Variants in TCF12 observed in about 807,000 individuals in gnomAD.
TCF12 encodes DNA-binding protein HTF4.
TCF12 carries 45 observed loss-of-function variants against 86.0 expected under a neutral mutation model. The observed-to-expected ratio is 0.52, with a 90% CI of 0.41 to 0.67. TCF12 has a LOEUF of 0.67. TCF12 is among the 30% of genes least tolerant of loss of function. TCF12 has a pLI of 0.00. For missense variants in TCF12, 881 were observed against 859.9 expected, an observed-to-expected ratio of 1.02 and a Z score of -0.31; for synonymous variants, 330 against 299.6, an observed-to-expected ratio of 1.10 and a Z score of -1.05.
chr15:57,227,709 T>G (rs2151904098), intron 8 of TCF12, among the ~76,000 whole-genome samples: 1 of 152,194 alleles, frequency 6.6e-6, no homozygotes, highest in African/African-American at 2.4e-5. Context: ...AAAATTTTTC[T>G]TAACACCATT....
intron 3 of TCF12, among the ~76,000 whole-genome samples, chr15:56,962,394 C>CT (rs1363597259): frequency 6.6e-6 from 1 of 151,982 alleles, no homozygotes; most frequent in African/African-American, 2.4e-5. Context: ...TCTACTATAA[C>CT]TTTTTTTTGT....
At chr15:57,012,452 C>T (rs536964200) in intron 3 of TCF12, among the ~76,000 whole-genome samples, 12 of 152,218 alleles carry the variant, frequency 7.9e-5, no homozygotes, top group Admixed American at 7.2e-4. Flanking sequence ...TAAGTAGAAA[C>T]TATTATTCTA....
intron 18 of TCF12, among the ~76,000 whole-genome samples, chr15:57,270,386 G>A (rs1374953050): frequency 2.0e-5 from 3 of 152,126 alleles, no homozygotes; most frequent in South Asian, 2.1e-4. Flanking sequence ...CGAAGTTGTC[G>A]TATTGTGGTT....
intron 19 of TCF12, among the ~76,000 whole-genome samples, chr15:57,279,147 A>AG (rs1172931821): frequency 6.6e-6 from 1 of 152,028 alleles, no homozygotes; most frequent in Non-Finnish European, 1.5e-5. Flanking sequence ...GGTGGGTACC[A>AG]GCACACCTGG....
chr15:57,285,834 G>A lies in TCF12; in HGVS notation c.*12-323G>A, dbSNP rs538347668. The stretch of plus-strand genomic sequence containing the variant: ...GTCCCAGCTACTCAAAGACTGAGGT[G>A]GGAGGATTGCTTGAGCCCAGGAGTT... On this transcript the variant is annotated intron_variant, in intron 20 of 20. Transcript: ENST00000333725. Among the ~76,000 whole-genome samples the A allele has an allele frequency of 3.9e-4, 59 of 152,316 alleles. 1 individual carries two copies. In the South Asian group the frequency reaches 0.012, roughly 32 times the overall value.
chr15:57,062,820 A>G (rs2068563354), intron 3 of TCF12, among the ~76,000 whole-genome samples: 1 of 152,234 alleles, frequency 6.6e-6, no homozygotes, highest in Non-Finnish European at 1.5e-5. Flanking sequence ...AATGAAAGAA[A>G]GAAGTCAACT....
intron 5 of TCF12, among the ~76,000 whole-genome samples, chr15:57,122,444 G>T (rs970025258): frequency 1.3e-5 from 2 of 152,148 alleles, no homozygotes; most frequent in Non-Finnish European, 2.9e-5. Context: ...GGCATTGTAA[G>T]AAGTGTTTAT....
At chr15:57,032,975 A>G (rs1306142794) in intron 3 of TCF12, among the ~76,000 whole-genome samples, 1 of 152,222 alleles carries the variant, frequency 6.6e-6, no homozygotes, top group Non-Finnish European at 1.5e-5. Context: ...TAAAGTATCA[A>G]CAAAGAAGTA....
chr15:56,953,854 G>C (rs1415150456), intron 3 of TCF12, among the ~76,000 whole-genome samples: 1 of 145,106 alleles, frequency 6.9e-6, no homozygotes, highest in Non-Finnish European at 1.5e-5. Context: ...TGTTCTCAAA[G>C]AACCAGCTTT....
intron 6 of TCF12, among the ~76,000 whole-genome samples, chr15:57,170,805 A>AT (rs58751405): frequency 0.48 from 24,349 of 50,300 alleles, 6,661 homozygotes; most frequent in Non-Finnish European, 0.59. Flanking sequence ...TATATATATA[A>AT]TTTTTTTTTT....
intron 5 of TCF12, among the ~76,000 whole-genome samples, chr15:57,127,219 G>A (rs1221866539): frequency 1.3e-5 from 2 of 151,956 alleles, no homozygotes; most frequent in African/African-American, 2.4e-5. Flanking sequence ...CTGACCTTAG[G>A]TGATCCATTC....
chr15:57,066,216 C>T lies in TCF12; in HGVS notation c.222+2393C>T, dbSNP rs530962763. Among the ~76,000 whole-genome samples, 30 of 152,124 alleles carry T rather than the reference C, an allele frequency of 2.0e-4. No homozygotes were observed. The South Asian group carries it at 5.4e-3, about 27-fold the overall frequency. On this transcript the variant is annotated intron_variant, in intron 4 of 20. Coordinates refer to ENST00000333725, the MANE Select transcript of TCF12 (RefSeq NM_207037.2). ...GGTTTCATCTTTTAACAGTATTCACCATCTTGACCATTTCTTTCATAATCA... is the reference window on the plus strand; with the variant it reads ...GGTTTCATCTTTTAACAGTATTCACTATCTTGACCATTTCTTTCATAATCA...
chr15:57,040,824 G>A (rs1158717227), intron 3 of TCF12, among the ~76,000 whole-genome samples: 1 of 152,168 alleles, frequency 6.6e-6, no homozygotes, highest in Non-Finnish European at 1.5e-5. Context: ...TAATATGGAT[G>A]TGAAGGCAAC....
intron 20 of TCF12, among the ~76,000 whole-genome samples, chr15:57,284,587 A>G (rs2061852181): frequency 6.6e-6 from 1 of 152,258 alleles, no homozygotes; most frequent in African/African-American, 2.4e-5. Flanking sequence ...AAACTGATAG[A>G]TTATTTCAAA....
In TCF12 at chr15:57,087,866, T is replaced by A. The variant is rs571782616; in HGVS notation, c.223-3923T>A. 2.3e-4 allele frequency among the ~76,000 whole-genome samples: 35 copies of A among 152,314 alleles called. No individual in the cohort carries two copies. In the South Asian group the frequency reaches 6.6e-3, roughly 29 times the overall value. On this transcript the variant is annotated intron_variant, in intron 4 of 20. Transcript: ENST00000333725. ...CTGGTGTAATAGATAATTCTGATAG[T>A]ATTGCTCTGTCCTTCATAATGTATG...
chr15:56,976,397 A>ATTT (rs55909585), intron 3 of TCF12, among the ~76,000 whole-genome samples: 3 of 146,574 alleles, frequency 2.0e-5, no homozygotes, highest in African/African-American at 7.5e-5. Context: ...CGCCTGGCTA[A>ATTT]TTTTTTTTTT....
At chr15:57,199,161 A>G (rs1300176627) in intron 8 of TCF12, among the ~76,000 whole-genome samples, 7 of 152,216 alleles carry the variant, frequency 4.6e-5, no homozygotes, top group Non-Finnish European at 7.3e-5. Context: ...GATAAACAAA[A>G]TGAACACAAT....
chr15:57,181,488 C>T (rs1350419716), intron 6 of TCF12, among the ~76,000 whole-genome samples: 6 of 152,032 alleles, frequency 3.9e-5, no homozygotes, highest in Admixed American at 3.3e-4. Context: ...ATAGGATATT[C>T]TTCTGCCTCC....
chr15:56,946,221 C>T (rs2060989214), intron 3 of TCF12, among the ~76,000 whole-genome samples: 2 of 152,170 alleles, frequency 1.3e-5, no homozygotes, highest in Admixed American at 1.3e-4. Context: ...CCTTCTAGGA[C>T]TTCAATTACA....
Sources: gnomAD v4.1 joint callset for allele counts (sites outside exome capture counted in the v4.1 genomes callset) on GRCh38, gnomAD v4.1.1 for gene constraint, MANE v1.5 for transcripts, NCBI Gene and HGNC (gene_info 2026-07-23, HGNC 2026-07-21) for gene names.